Variants in SLC25A3 observed in about 807,000 individuals in gnomAD.
SLC25A3 encodes solute carrier family 25 member 3, also known as phosphate transport protein.
Under a neutral mutation model 37.1 loss-of-function variants are expected in SLC25A3, and 14 were observed. That is an observed-to-expected ratio of 0.38 (90% CI 0.25 to 0.59). SLC25A3 has a LOEUF of 0.59. Among genes scored for constraint, SLC25A3 ranks in the 20% least tolerant of loss-of-function variants. The pLI, the probability that SLC25A3 is intolerant of heterozygous loss-of-function variation, is 0.67. For synonymous variants in SLC25A3, 161 were observed against 168.7 expected, an observed-to-expected ratio of 0.95 and a Z score of 0.36; for missense variants, 385 against 458.1, an observed-to-expected ratio of 0.84 and a Z score of 1.46.
chr12:98,597,473 G>A, intron 3 of SLC25A3: 1 of 225,266 alleles, frequency 4.4e-6, no homozygotes, highest in Non-Finnish European at 8.9e-6. Flanking sequence ...GTGTAGTGGT[G>A]CCATCGTGGC....
Position 98,598,682 on chromosome 12 carries a change from A to T in SLC25A3, c.620A>T (p.Tyr207Phe). ...TTGAGGGATGCAGCTCCCAAAATGTATAAGGAAGAAGGCCTAAAAGCGTAA... is the reference window on the plus strand; with the variant it reads ...TTGAGGGATGCAGCTCCCAAAATGTTTAAGGAAGAAGGCCTAAAAGCGTAA... Reference protein sequence around the residue: ...NTLRDAAPKMYKEEGLKAFYK... With the variant: ...NTLRDAAPKMFKEEGLKAFYK... The change falls in exon 5 of 8, where the codon TAT becomes TTT. Residue 207 changes from tyrosine (Y) to phenylalanine (F), a missense_variant. This residue lies in a region of SLC25A3 where 276 missense variants were observed against 367.6 expected (regional missense o/e 0.75). Transcript: ENST00000552981. The T allele has an allele frequency of 6.2e-7, 1 of 1,614,012 alleles. No homozygotes were observed. Among genetic ancestry groups the T allele is most frequent in the South Asian group, 1.1e-5 (1 of 91,080 alleles).
At chr12:98,599,192 G>A (rs1276225116) in intron 5 of SLC25A3, among the ~76,000 whole-genome samples, 3 of 152,008 alleles carry the variant, frequency 2.0e-5, no homozygotes, top group Non-Finnish European at 4.4e-5. Context: ...CTGCTGAATA[G>A]CTGGGATTAC....
At chr12:98,595,637 G>A (rs1168104738) in intron 2 of SLC25A3, 90 bp from the exon 3 acceptor site, 2 of 1,612,858 alleles carry the variant, frequency 1.2e-6, no homozygotes, top group Admixed American at 1.7e-5. Context: ...CTAACAAGCT[G>A]TGTGGAAACC....
At position 98,593,700 on chromosome 12, in the gene SLC25A3, A is replaced by G. The variant is rs1220025039; in HGVS notation, c.-45A>G. The G allele has an allele frequency of 5.6e-6, 3 of 535,934 alleles. No homozygotes were observed. The highest frequency in any genetic ancestry group is 1.0e-5 in the Non-Finnish European group (3 of 295,872). 33.2% of individuals were successfully genotyped at this position (535,934 alleles called of 1,614,324 possible). Reference sequence around the variant, plus strand: ...GGACGTCCGGCCTCTGTGAGCCGCAACCTTTCCAAGGGAGTGGTTGTGTGA... The same window carrying G: ...GGACGTCCGGCCTCTGTGAGCCGCAGCCTTTCCAAGGGAGTGGTTGTGTGA... On this transcript the variant is annotated 5_prime_UTR_variant, in exon 1 of 8. Coordinates refer to ENST00000552981, the MANE Select transcript of SLC25A3 (RefSeq NM_002635.4).
rs2153290001 is a variant in SLC25A3, at chr12:98,605,069, A to G, written c.*3541A>G. On this transcript the variant is annotated 3_prime_UTR_variant, in exon 8 of 8. Transcript: ENST00000552981. Reference sequence around the variant, plus strand: ...TGAGCCACCACACTTGGCCAACCATATTTTATTTTTTATATTTTTATTTTA... The same window carrying G: ...TGAGCCACCACACTTGGCCAACCATGTTTTATTTTTTATATTTTTATTTTA... The G allele has an allele frequency of 6.6e-6, 1 of 152,276 alleles. No individual in the cohort carries two copies. The highest frequency in any genetic ancestry group is 2.4e-5 in the African/African-American group (1 of 41,544). The allele number at this position is 152,276 out of a possible 1,614,324, so 9.4% of individuals were successfully genotyped here.
intron 6 of SLC25A3, 57 bp from the exon 7 acceptor site, chr12:98,601,114 G>T: frequency 3.8e-6 from 6 of 1,577,014 alleles, no homozygotes; most frequent in Non-Finnish European, 5.2e-6. Flanking sequence ...ATGATTATTG[G>T]CTCTGTGAAG....
chr12:98,599,629 G>A (rs1267752518), intron 5 of SLC25A3: 1 of 544,606 alleles, frequency 1.8e-6, no homozygotes, highest in Admixed American at 1.9e-5. Context: ...GAATTTCCAT[G>A]ACCACAACAT....
rs1047632084 is a variant in SLC25A3, at chr12:98,602,478, A to C, written c.*950A>C. ...CGTGCCCGGCTCTGACTTTTTACAG[A>C]AAATTGAACTATTTTCAGTCTGGTA... On this transcript the variant is annotated 3_prime_UTR_variant, in exon 8 of 8. Transcript: ENST00000552981. 3.3e-5 allele frequency: 5 copies of C among 152,192 alleles called. No homozygotes were observed. Among genetic ancestry groups the C allele is most frequent in the Non-Finnish European group, 5.9e-5 (4 of 68,036 alleles). The allele number at this position is 152,192 out of a possible 1,614,324, so 9.4% of individuals were successfully genotyped here. A position where few individuals can be genotyped will look rare whatever the true frequency, so the allele number is the denominator to read the frequency against.
intron 2 of SLC25A3, 129 bp from the exon 3 acceptor site, chr12:98,595,598 C>T (rs1012180060): frequency 6.2e-7 from 1 of 1,612,858 alleles, no homozygotes; most frequent in African/African-American, 1.3e-5. Flanking sequence ...TGAAGCATGA[C>T]TGACTGTTAA....
At position 98,595,200 on chromosome 12, in the gene SLC25A3, T is replaced by TA. The variant is rs201393097; in HGVS notation, c.158-520dup. The TA allele has an allele frequency of 7.4e-6, 4 of 539,842 alleles. No homozygotes were observed. In the African/African-American group the frequency reaches 7.6e-5, roughly 10 times the overall value. 33.4% of individuals were successfully genotyped at this position (539,842 alleles called of 1,614,324 possible). ...AAAAGCCGTTAATGTAGAAAACTTT[T>TA]AAAAAAATTAATATGGCAGAATACG... On this transcript the variant is annotated intron_variant, in intron 2 of 7. Transcript: ENST00000552981.
intron 5 of SLC25A3, 142 bp from the exon 6 acceptor site, chr12:98,599,812 CG>C: frequency 1.1e-6 from 1 of 899,426 alleles, no homozygotes; most frequent in Non-Finnish European, 1.9e-6. Context: ...GTTAGTCTAA[CG>C]TTCTGATAGA....
Position 98,602,455 on chromosome 12 carries a change from TGCCCG to T in SLC25A3, c.*930_*934del, listed in dbSNP as rs2153288836. The stretch of plus-strand genomic sequence containing the variant: ...CTGGGATTATAGGCATGAGCCACCG[TGCCCG>T]GCTCTGACTTTTTACAGAAAATTGA... On this transcript the variant is annotated 3_prime_UTR_variant, in exon 8 of 8. Coordinates refer to ENST00000552981, the MANE Select transcript of SLC25A3 (RefSeq NM_002635.4). 1 of 152,332 alleles carries T rather than the reference TGCCCG, an allele frequency of 6.6e-6. No individual in the cohort carries two copies. Among genetic ancestry groups the T allele is most frequent in the Admixed American group, 6.5e-5 (1 of 15,292 alleles). 9.4% of individuals were successfully genotyped at this position (152,332 alleles called of 1,614,324 possible).
At chr12:98,598,810 C>CT in intron 5 of SLC25A3, 107 bp downstream of exon 5, 1 of 1,085,512 alleles carries the variant, frequency 9.2e-7, no homozygotes, top group South Asian at 1.5e-5. Flanking sequence ...AAGTCTCGCT[C>CT]TGTCACCCAG....
At position 98,601,465 on chromosome 12, in the gene SLC25A3, TC is replaced by T. The variant is rs1157312684; in HGVS notation, c.1025del (p.Pro342LeufsTer12). 1 of 1,614,148 alleles carries T rather than the reference TC, an allele frequency of 6.2e-7. No individual in the cohort carries two copies. The highest frequency in any genetic ancestry group is 8.5e-7 in the Non-Finnish European group (1 of 1,179,992). On this transcript the variant is annotated frameshift_variant, in exon 8 of 8. Transcript: ENST00000552981. LOFTEE classifies it high-confidence loss of function. ...YDSVKVYFRL[P>X]RPPPPEMPES... ...ACTCCGTGAAGGTCTACTTCAGACTTCCTCGCCCTCCTCCACCCGAGATGCC... is the reference window on the plus strand; with the variant it reads ...ACTCCGTGAAGGTCTACTTCAGACTTCTCGCCCTCCTCCACCCGAGATGCC...
rs1266622660 is a variant in SLC25A3 at position 98,594,020 on chromosome 12, C to G, written c.42C>G (p.Phe14Leu). ...CGCACCTGGCGCGGGCGAACCCCTT[C>G]AACACGCCACATCTGCAGCTGGTGC... The part of the protein sequence containing the change: ...SVAHLARANP[F>L]NTPHLQLVHD... Residue 14 changes from phenylalanine (F) to leucine (L), a missense_variant, in exon 2 of 8, where the codon TTC becomes TTG. Coordinates refer to ENST00000552981, the MANE Select transcript of SLC25A3 (RefSeq NM_002635.4). The G allele has an allele frequency of 3.7e-6, 6 of 1,613,846 alleles. No homozygotes were observed. Among genetic ancestry groups the G allele is most frequent in the Non-Finnish European group, 5.1e-6 (6 of 1,179,886 alleles).
chr12:98,593,964 T>A lies in SLC25A3; in HGVS notation c.-4-11T>A. On this transcript the variant is annotated splice_polypyrimidine_tract_variant and intron_variant, in intron 1 of 7. Coordinates refer to ENST00000552981, the MANE Select transcript of SLC25A3 (RefSeq NM_002635.4). ...TGCCTGTCCTCTAACCGTCGCTCCC[T>A]CCTCCCCTAGAAAGATGTTCTCGTC... 6.2e-7 allele frequency: 1 copy of A among 1,613,732 alleles called. No individual in the cohort carries two copies. Among genetic ancestry groups the A allele is most frequent in the Non-Finnish European group, 8.5e-7 (1 of 1,179,842 alleles).
At chr12:98,593,794 C>T (rs2097590462) in intron 1 of SLC25A3, 54 bp downstream of exon 1, 1 of 651,786 alleles carries the variant, frequency 1.5e-6, no homozygotes, top group South Asian at 1.8e-5. Context: ...GAGCCCAGAG[C>T]TCCTGTGGGG....
chr12:98,594,424 C>G (rs1271952193), intron 2 of SLC25A3: 2 of 691,642 alleles, frequency 2.9e-6, no homozygotes, highest in Non-Finnish European at 5.3e-6. Flanking sequence ...GCCGTGAGCT[C>G]GCTTGGTCAG....
intron 5 of SLC25A3, 71 bp downstream of exon 5, chr12:98,598,774 TTTTTTTGTTTTG>T: frequency 2.1e-6 from 3 of 1,428,640 alleles, no homozygotes; most frequent in Non-Finnish European, 2.9e-6. Flanking sequence ...TTTTTGTTTT[TTTTTTTGTTTTG>T]TTTTTTTGAG....
Sources: allele counts gnomAD v4.1 joint callset (sites outside exome capture counted in the v4.1 genomes callset), GRCh38; gene constraint gnomAD v4.1.1; regional missense constraint gnomAD v4.1.1; transcripts MANE v1.5; gene names NCBI Gene and HGNC (gene_info 2026-07-23, HGNC 2026-07-21).